NOS1: variants seen among roughly 807,000 people sequenced by gnomAD.
NOS1 encodes nitric oxide synthase 1.
Under a neutral mutation model 164.5 loss-of-function variants are expected in NOS1, and 51 were observed. The ratio of observed to expected loss-of-function variants is 0.31; its 90% CI spans 0.25 to 0.39. NOS1 has a LOEUF of 0.39. Among genes scored for constraint, NOS1 ranks in the 10% least tolerant of loss-of-function variants. The pLI, the probability that NOS1 is intolerant of heterozygous loss-of-function variation, is 1.00. For missense variants in NOS1, 1,362 were observed against 1,885.6 expected, an observed-to-expected ratio of 0.72 and a Z score of 5.14; for synonymous variants, 719 against 745.8, an observed-to-expected ratio of 0.96 and a Z score of 0.59.
intron 9 of NOS1, among the ~76,000 whole-genome samples, chr12:117,273,453 T>C (rs1161511818): frequency 6.6e-6 from 1 of 152,150 alleles, no homozygotes; most frequent in African/African-American, 2.4e-5. Flanking sequence ...TGTGGCACTA[T>C]CCTTGGGTGT....
rs1016679493 is a variant in NOS1, at chr12:117,353,017, CATCCATCCATCCATCT to C, written c.-421+8479_-421+8494del. Among the ~76,000 whole-genome samples the C allele has an allele frequency of 5.9e-5, 9 of 151,968 alleles. No individual in the cohort carries two copies. The South Asian group carries it at 1.7e-3, about 28-fold the overall frequency. On this transcript the variant is annotated intron_variant, in intron 1 of 28. Transcript: ENST00000317775. Reference sequence around the variant, plus strand: ...TTTCTCTATCAGTCATCTATCTATCCATCCATCCATCCATCTATCCATCCATCCATCCATCCACCCA... The same window carrying C: ...TTTCTCTATCAGTCATCTATCTATCCATCCATCCATCCATCCATCCACCCA...
chr12:117,327,114 G>C (rs1875290384), intron 2 of NOS1, among the ~76,000 whole-genome samples: 1 of 152,180 alleles, frequency 6.6e-6, no homozygotes, highest in Non-Finnish European at 1.5e-5. Context: ...ATGCCCAGTT[G>C]AGAATTGCAA....
rs761350295 is a variant in NOS1, at chr12:117,330,736, T to C, written c.334A>G (p.Thr112Ala). 4 of 1,613,860 alleles carry C rather than the reference T, an allele frequency of 2.5e-6. No homozygotes were observed. The East Asian group carries it at 6.7e-5, about 27-fold the overall frequency. Residue 112 changes from threonine to alanine, a missense_variant, in exon 2 of 29, where the codon ACA (threonine) becomes GCA (alanine). This residue lies in a region of NOS1 where 362 missense variants were observed against 402.0 expected (regional missense o/e 0.90). Transcript: ENST00000317775. The surrounding 1 kb of genome is among the most constrained non-coding windows in gnomAD (Gnocchi z 4.6). ...GFTTHLETTF[T>A]GDGTPKTIRV... Reference sequence around the variant, plus strand: ...ATGGTCTTGGGGGTCCCATCACCTGTAAAGGTGGTCTCCAGGTGCGTGGTG... The same window carrying C: ...ATGGTCTTGGGGGTCCCATCACCTGCAAAGGTGGTCTCCAGGTGCGTGGTG...
rs1592977425 is a variant in NOS1 at position 117,275,109 on chromosome 12, T to A, written c.1665-2550A>T. 2.6e-5 allele frequency among the ~76,000 whole-genome samples: 4 copies of A among 152,264 alleles called. 1 individual carries two copies. The Middle Eastern group carries it at 0.01, about 388-fold the overall frequency. On this transcript the variant is annotated intron_variant, in intron 9 of 28. Coordinates refer to ENST00000317775, the MANE Select transcript of NOS1 (RefSeq NM_000620.5). ...CATGATGTGCTTATTTCACATTGCA[T>A]GCCCATATCAAAACGTCTTATGTAC...
In NOS1 at chr12:117,342,478, G is replaced by A. The variant is rs184365417; in HGVS notation, c.-420-10989C>T. ...GATCCAGAGTTGGCCAGATAAGAAGGTGGATGGAGGAAGTGAGAAATGGAG... is the reference window on the plus strand; with the variant it reads ...GATCCAGAGTTGGCCAGATAAGAAGATGGATGGAGGAAGTGAGAAATGGAG... On this transcript the variant is annotated intron_variant, in intron 1 of 28. Coordinates refer to ENST00000317775, the MANE Select transcript of NOS1 (RefSeq NM_000620.5). 1.2e-4 allele frequency among the ~76,000 whole-genome samples: 18 copies of A among 152,212 alleles called. No individual in the cohort carries two copies. In the East Asian group the frequency reaches 3.3e-3, roughly 28 times the overall value.
At position 117,212,302 on chromosome 12, in the gene NOS1, G is replaced by T. The variant is rs961616486; in HGVS notation, c.*3007C>A. 19 of 985,182 alleles carry T rather than the reference G, an allele frequency of 1.9e-5. No homozygotes were observed. The highest frequency in any genetic ancestry group is 4.7e-5 in the South Asian group (1 of 21,284). 61.0% of individuals were successfully genotyped at this position (985,182 alleles called of 1,614,324 possible). A position where few individuals can be genotyped will look rare whatever the true frequency, so the allele number is the denominator to read the frequency against. The stretch of plus-strand genomic sequence containing the variant: ...CAGACTCTAAAAGGTCAAGTGAGCC[G>T]CCCACAGCCATCTGCACCAACAGGG... On this transcript the variant is annotated 3_prime_UTR_variant, in exon 29 of 29. Transcript: ENST00000317775.
chr12:117,340,805 C>T (rs749271668), intron 1 of NOS1, among the ~76,000 whole-genome samples: 2 of 151,942 alleles, frequency 1.3e-5, no homozygotes, highest in Non-Finnish European at 2.9e-5. Context: ...CTTACTGCAA[C>T]CTCTGCCTCC....
At chr12:117,309,230 A>T (rs1874309069) in intron 3 of NOS1, 2 of 462,362 alleles carry the variant, frequency 4.3e-6, no homozygotes, top group African/African-American at 4.3e-5. Context: ...ACATAATAAA[A>T]GTCTACAGTT....
intron 3 of NOS1, among the ~76,000 whole-genome samples, chr12:117,296,848 A>G (rs1873450518): frequency 6.6e-6 from 1 of 152,184 alleles, no homozygotes; most frequent in Non-Finnish European, 1.5e-5. Flanking sequence ...ATGAAAAGGA[A>G]GAGAGAGCTC....
At chr12:117,339,427 A>C (rs997982814) in intron 1 of NOS1, among the ~76,000 whole-genome samples, 1 of 152,198 alleles carries the variant, frequency 6.6e-6, no homozygotes, top group Non-Finnish European at 1.5e-5. Flanking sequence ...ACTCTCTTAC[A>C]TTGCTGCCAA....
rs186027753 is a variant in NOS1 at position 117,299,928 on chromosome 12, A to G, written c.853-9502T>C. On this transcript the variant is annotated intron_variant, in intron 3 of 28. Transcript: ENST00000317775. ...CATTACCAGACCAGAATGTATATAT[A>G]CACTAGGAATTAATCTTAACATCAA... Among the ~76,000 whole-genome samples the G allele has an allele frequency of 2.2e-3, 333 of 152,196 alleles. 4 individuals are homozygous for G. Among genetic ancestry groups the G allele is most frequent in the Admixed American group, 0.013 (199 of 15,260 alleles).
At chr12:117,217,933 G>T (rs1014603886) in intron 28 of NOS1, 113 bp downstream of exon 28, 30 of 766,044 alleles carry the variant, frequency 3.9e-5, no homozygotes, top group Middle Eastern at 7.4e-4. Flanking sequence ...CCCAGATGGT[G>T]CTGATGCTGC....
chr12:117,326,099 G>T (rs1395305430), intron 2 of NOS1, among the ~76,000 whole-genome samples: 1 of 152,094 alleles, frequency 6.6e-6, no homozygotes, highest in Admixed American at 6.6e-5. Flanking sequence ...AGAAATGGGG[G>T]TGCTGGCCGG....
rs1000481520 is a variant in NOS1, at chr12:117,243,844, C to G, written c.2824-409G>C. On this transcript the variant is annotated intron_variant, in intron 18 of 28. Coordinates refer to ENST00000317775, the MANE Select transcript of NOS1 (RefSeq NM_000620.5). The surrounding 1 kb of genome is among the most constrained non-coding windows in gnomAD (Gnocchi z 4.3). ...CCCACTCATCCATCTTTCCATGCATCCATCCTTCCATCCATCTACCCACCC... is the reference window on the plus strand; with the variant it reads ...CCCACTCATCCATCTTTCCATGCATGCATCCTTCCATCCATCTACCCACCC... 6.6e-6 allele frequency among the ~76,000 whole-genome samples: 1 copy of G among 151,776 alleles called. No homozygotes were observed. The highest frequency in any genetic ancestry group is 2.1e-4 in the South Asian group (1 of 4,768).
chr12:117,297,454 C>A (rs9658324), intron 3 of NOS1, among the ~76,000 whole-genome samples: 5 of 151,892 alleles, frequency 3.3e-5, no homozygotes, highest in Admixed American at 2.0e-4. Context: ...TGCAATGGTG[C>A]GATCTCAGCT....
rs1410079455 is a variant in NOS1 at position 117,248,787 on chromosome 12, G to A, written c.2649-1265C>T. 2.0e-5 allele frequency among the ~76,000 whole-genome samples: 3 copies of A among 151,600 alleles called. No homozygotes were observed. In the East Asian group the frequency reaches 5.8e-4, roughly 29 times the overall value. ...GAATTGCCACACTGACTTCCACAAT[G>A]GTTGAACTAGTTTACAGTCCCACCA... On this transcript the variant is annotated intron_variant, in intron 17 of 28. Transcript: ENST00000317775.
rs764908985 is a variant in NOS1 at position 117,242,756 on chromosome 12, TA to T, written c.2963-52del. On this transcript the variant is annotated intron_variant, in intron 19 of 28. Coordinates refer to ENST00000317775, the MANE Select transcript of NOS1 (RefSeq NM_000620.5). Reference sequence around the variant, plus strand: ...CCTGAGAAGGGGTTGAATGTTCCATTAAAAACTCCCCAGGTGGGGCAACGTG... The same window carrying T: ...CCTGAGAAGGGGTTGAATGTTCCATTAAAACTCCCCAGGTGGGGCAACGTG... The T allele has an allele frequency of 3.2e-6, 5 of 1,549,724 alleles. No individual in the cohort carries two copies. In the Admixed American group the frequency reaches 8.4e-5, roughly 26 times the overall value.
chr12:117,257,803 CTTTT>C (rs34828673), intron 16 of NOS1, among the ~76,000 whole-genome samples: 2 of 120,496 alleles, frequency 1.7e-5, no homozygotes, highest in Admixed American at 8.4e-5. Flanking sequence ...TTACACAGTG[CTTTT>C]TTTTTTTTTT....
Position 117,330,863 on chromosome 12 carries a change from G to A in NOS1, c.207C>T (p.Gly69=), listed in dbSNP as rs949398191. ...CATAGCTCAGGTCCACCAAGGGCCG[G>A]CCGTTGACCGCAAGAATGATGTCTC... The part of the protein sequence containing the change: ...QAGDIILAVN[G]RPLVDLSYDS... Residue 69 remains glycine (G), a synonymous_variant, in exon 2 of 29, where the codon GGC becomes GGT. Coordinates refer to ENST00000317775, the MANE Select transcript of NOS1 (RefSeq NM_000620.5). The surrounding 1 kb of genome is among the most constrained non-coding windows in gnomAD (Gnocchi z 4.6). The A allele has an allele frequency of 1.9e-6, 3 of 1,614,138 alleles. No individual in the cohort carries two copies. The African/African-American group carries it at 4.0e-5, about 22-fold the overall frequency.
Sources: gnomAD v4.1 joint callset for allele counts (sites outside exome capture counted in the v4.1 genomes callset) on GRCh38, gnomAD v4.1.1 for gene constraint, gnomAD v4.1.1 regional missense constraint, Gnocchi (gnomAD v3.1) non-coding constraint, MANE v1.5 for transcripts, NCBI Gene and HGNC (gene_info 2026-07-23, HGNC 2026-07-21) for gene names.